Variants in SYCP1 observed in about 807,000 individuals in gnomAD.
SYCP1 encodes the protein synaptonemal complex protein 1, also known as cancer/testis antigen 8.
A neutral mutation model predicts 153.1 loss-of-function variants in SYCP1; 64 were observed. That is an observed-to-expected ratio of 0.42 (90% CI 0.34 to 0.51). The LOEUF (loss-of-function observed/expected upper bound fraction) is 0.51. SYCP1 is among the 20% of genes least tolerant of loss of function. The probability of loss-of-function intolerance (pLI) is 0.06; values close to 1 mark genes in which losing one functional copy is unlikely to be tolerated. For synonymous variants in SYCP1, 384 were observed against 341.8 expected (o/e 1.12, Z -1.36); for missense variants, 997 against 1,049.0 (o/e 0.95, Z 0.68).
At chr1:114,892,897 A>G (rs944048189) in intron 15 of SYCP1, among the ~76,000 whole-genome samples, 1 of 151,954 alleles carries the variant, frequency 6.6e-6, no homozygotes, top group Non-Finnish European at 1.5e-5. Context: ...GGGCTCTCAA[A>G]ATGGTACGGG....
intron 30 of SYCP1, among the ~76,000 whole-genome samples, chr1:114,988,080 C>CAAAAAAAAAAAA (rs34553973): frequency 3.5e-5 from 4 of 114,632 alleles, no homozygotes; most frequent in African/African-American, 3.9e-5. Context: ...TGATAAACGG[C>CAAAAAAAAAAAA]AAAAAAAAAA....
intron 8 of SYCP1, among the ~76,000 whole-genome samples, chr1:114,868,119 ATTTT>A (rs1001280169): frequency 2.0e-5 from 3 of 150,056 alleles, no homozygotes; most frequent in Non-Finnish European, 4.4e-5. Flanking sequence ...GTGTTGTATA[ATTTT>A]TTTTATACTT....
intron 20 of SYCP1, among the ~76,000 whole-genome samples, chr1:114,922,282 G>T (rs1249739463): frequency 6.6e-6 from 1 of 152,030 alleles, no homozygotes; most frequent in African/African-American, 2.4e-5. Context: ...CCCTTTTGAG[G>T]CTGTTTTCTA....
chr1:114,895,535 T>G (rs1370100860), intron 16 of SYCP1, 26 bp downstream of exon 16: 1 of 1,236,832 alleles, frequency 8.1e-7, no homozygotes, highest in Non-Finnish European at 1.1e-6. Context: ...CCTATTAATA[T>G]ATAGCAATTA....
intron 15 of SYCP1, among the ~76,000 whole-genome samples, chr1:114,890,494 G>T (rs942113597): frequency 2.6e-5 from 4 of 151,922 alleles, no homozygotes; most frequent in Non-Finnish European, 4.4e-5. Context: ...ATTGATGGAG[G>T]TATGTTAATA....
intron 23 of SYCP1, among the ~76,000 whole-genome samples, chr1:114,938,194 A>G (rs1461831414): frequency 4.6e-5 from 7 of 152,230 alleles, no homozygotes; most frequent in Non-Finnish European, 8.8e-5. Context: ...TGGCACATAT[A>G]CACCATGGAA....
chr1:114,887,812 A>G (rs1266309002), intron 15 of SYCP1, 119 bp downstream of exon 15: 7 of 577,810 alleles, frequency 1.2e-5, no homozygotes, highest in Non-Finnish European at 1.9e-5. Context: ...AGATTGCTTG[A>G]TAATATTTTT....
intron 27 of SYCP1, among the ~76,000 whole-genome samples, chr1:114,956,043 G>A (rs1671413332): frequency 6.6e-6 from 1 of 152,198 alleles, no homozygotes; most frequent in African/African-American, 2.4e-5. Flanking sequence ...CTTTATCTGA[G>A]GTCCCAGCTG....
intron 16 of SYCP1, among the ~76,000 whole-genome samples, chr1:114,906,821 A>G (rs1667840483): frequency 6.6e-6 from 1 of 152,170 alleles, no homozygotes; most frequent in Non-Finnish European, 1.5e-5. Flanking sequence ...ATTGTTAGGT[A>G]GAGTGTTCTG....
intron 27 of SYCP1, among the ~76,000 whole-genome samples, chr1:114,965,128 G>A (rs1264625114): frequency 6.6e-6 from 1 of 152,158 alleles, no homozygotes; most frequent in Admixed American, 6.5e-5. Flanking sequence ...TGTAGCAATT[G>A]TGAATGGGAG....
chr1:114,961,436 G>T (rs558131327), intron 27 of SYCP1, among the ~76,000 whole-genome samples: 1 of 152,186 alleles, frequency 6.6e-6, no homozygotes, highest in East Asian at 1.9e-4. Context: ...ACCTTAGATT[G>T]TCTATTTGTG....
chr1:114,929,179 T>C (rs2101751705), intron 23 of SYCP1, among the ~76,000 whole-genome samples: 1 of 152,178 alleles, frequency 6.6e-6, no homozygotes, highest in South Asian at 2.1e-4. Context: ...AACATATGAA[T>C]TTTAGGGGAA....
intron 27 of SYCP1, among the ~76,000 whole-genome samples, chr1:114,974,575 G>A (rs1417265804): frequency 6.6e-6 from 1 of 151,692 alleles, no homozygotes. Flanking sequence ...TTATATGAGT[G>A]GAATCATACA....
chr1:114,922,404 C>T (rs1443223759), intron 20 of SYCP1, among the ~76,000 whole-genome samples: 2 of 152,094 alleles, frequency 1.3e-5, no homozygotes, highest in African/African-American at 2.4e-5. Flanking sequence ...ATAGGTCATA[C>T]AGAAAGCATG....
chr1:114,926,349 T>G lies in SYCP1; in HGVS notation c.1863+9T>G. 5 of 1,528,624 alleles carry G rather than the reference T, an allele frequency of 3.3e-6. No homozygotes were observed. Among genetic ancestry groups the G allele is most frequent in the Non-Finnish European group, 4.4e-6 (5 of 1,136,724 alleles). 94.7% of individuals were successfully genotyped at this position (1,528,624 alleles called of 1,614,324 possible). A position where few individuals can be genotyped will look rare whatever the true frequency, so the allele number is the denominator to read the frequency against. On this transcript the variant is annotated intron_variant, in intron 22 of 31. Transcript: ENST00000369522. ...AAGAACTTCAGCAGGAGGTATGTAT[T>G]TTTTATAAATATTCTCAAAATCAAA...
Position 114,994,887 on chromosome 1 carries a change from T to G in SYCP1, c.2799T>G (p.Pro933=). Residue 933 remains proline, a synonymous_variant, in exon 32 of 32, where the codon CCT becomes CCG. Coordinates refer to ENST00000369522, the MANE Select transcript of SYCP1 (RefSeq NM_003176.4). ...AAATTTTATTTTGTACTCAGGCCCC[T>G]TCATCTCTAACAACCCCTGGATCTA... ...HLCVKTPKKA[P]SSLTTPGSTL... 6.7e-7 allele frequency: 1 copy of G among 1,491,346 alleles called. No homozygotes were observed. Among genetic ancestry groups the G allele is most frequent in the Non-Finnish European group, 8.9e-7 (1 of 1,118,778 alleles). The allele number at this position is 1,491,346 out of a possible 1,614,324, so 92.4% of individuals were successfully genotyped here. A position where few individuals can be genotyped will look rare whatever the true frequency, so the allele number is the denominator to read the frequency against.
intron 15 of SYCP1, among the ~76,000 whole-genome samples, chr1:114,889,141 T>C (rs1284597134): frequency 6.6e-6 from 1 of 152,200 alleles, no homozygotes; most frequent in Non-Finnish European, 1.5e-5. Flanking sequence ...GTCTTTGCTA[T>C]TGTGAATAGT....
intron 15 of SYCP1, among the ~76,000 whole-genome samples, 172 bp from the exon 16 acceptor site, chr1:114,895,276 T>C (rs1666981639): frequency 6.6e-6 from 1 of 152,110 alleles, no homozygotes; most frequent in African/African-American, 2.4e-5. Context: ...ATATTTATCT[T>C]TTATTAGCTT....
chr1:114,982,815 G>A (rs74755743), intron 29 of SYCP1, among the ~76,000 whole-genome samples: 7,145 of 151,650 alleles, frequency 0.047, 210 homozygotes, highest in African/African-American at 0.061. Flanking sequence ...GTTTAAACTG[G>A]CCATTTAAAA....
Sources: allele counts gnomAD v4.1 joint callset (sites outside exome capture counted in the v4.1 genomes callset), GRCh38; gene constraint gnomAD v4.1.1; transcripts MANE v1.5; gene names NCBI Gene and HGNC (gene_info 2026-07-23, HGNC 2026-07-21).